The following MAK variants were observed in gnomAD, a reference collection of about 807,000 sequenced individuals.
MAK encodes the protein male germ cell associated kinase.
In MAK, 65 loss-of-function variants were observed where a neutral mutation model predicts 82.6. That is an observed-to-expected ratio of 0.79 (90% confidence interval 0.64 to 0.97). The LOEUF is 0.97. Among genes scored for constraint, MAK ranks in the 50% least tolerant of loss-of-function variants. The pLI, the probability that MAK is intolerant of heterozygous loss-of-function variation, is 0.00. For synonymous variants in MAK, 250 were observed against 274.2 expected, an observed-to-expected ratio of 0.91 and a Z score of 0.87; for missense variants, 703 against 780.2, an observed-to-expected ratio of 0.90 and a Z score of 1.18.
rs1773394453 is a variant in MAK, at chr6:10,775,559, CA to C, written c.1466-101del. On this transcript the variant is annotated intron_variant, in intron 11 of 14. Transcript: ENST00000354489. ...AAACAAAGACTAGAGACACCTTGGACAGGAGAATGGAAATAAATCTAGGTGA... is the reference window on the plus strand; with the variant it reads ...AAACAAAGACTAGAGACACCTTGGACGGAGAATGGAAATAAATCTAGGTGA... 5 of 1,296,884 alleles carry C rather than the reference CA, an allele frequency of 3.9e-6. No homozygotes were observed. The East Asian group carries it at 1.2e-4, about 31-fold the overall frequency. 80.3% of individuals were successfully genotyped at this position (1,296,884 alleles called of 1,614,324 possible). A position where few individuals can be genotyped will look rare whatever the true frequency, so the allele number is the denominator to read the frequency against.
At chr6:10,773,577 CA>C (rs1383971563) in intron 12 of MAK, among the ~76,000 whole-genome samples, 7 of 152,008 alleles carry the variant, frequency 4.6e-5, no homozygotes, top group African/African-American at 1.7e-4. Context: ...TGTACCTCTT[CA>C]CACACTTTTA....
intron 10 of MAK, among the ~76,000 whole-genome samples, chr6:10,787,252 C>A (rs1032714418): frequency 2.0e-5 from 3 of 151,974 alleles, no homozygotes; most frequent in African/African-American, 4.8e-5. Flanking sequence ...CACAAATCCA[C>A]CAATTCACCA....
In MAK at chr6:10,813,149, T is replaced by A. The variant is rs1378533045; in HGVS notation, c.358+495A>T. 2.3e-4 allele frequency among the ~76,000 whole-genome samples: 10 copies of A among 43,416 alleles called. 1 individual carries two copies. Among genetic ancestry groups the A allele is most frequent in the African/African-American group, 1.5e-3 (9 of 5,988 alleles). The allele number at this position is 43,416 out of a possible 152,430, so 28.5% of individuals were successfully genotyped here. The stretch of plus-strand genomic sequence containing the variant: ...ATATATATATAAATTTTTTTTTTTT[T>A]TTTTTTTTTTTTTTTTTGAGATGGA... On this transcript the variant is annotated intron_variant, in intron 5 of 14. Transcript: ENST00000354489.
At chr6:10,816,757 CTAAT>C (rs1474144044) in intron 4 of MAK, among the ~76,000 whole-genome samples, 8 of 151,990 alleles carry the variant, frequency 5.3e-5, no homozygotes, top group African/African-American at 4.8e-5. Flanking sequence ...TATTTTCACA[CTAAT>C]TATTTATTTT....
At chr6:10,770,764 C>G (rs1772935494) in intron 13 of MAK, among the ~76,000 whole-genome samples, 1 of 152,146 alleles carries the variant, frequency 6.6e-6, no homozygotes, top group African/African-American at 2.4e-5. Flanking sequence ...TCAACACCAT[C>G]ATCATCATCA....
At chr6:10,795,325 C>G (rs1204500732) in intron 9 of MAK, among the ~76,000 whole-genome samples, 1 of 151,852 alleles carries the variant, frequency 6.6e-6, no homozygotes, top group Non-Finnish European at 1.5e-5. Context: ...GCCTATAATC[C>G]CAGCCACTCA....
In MAK at chr6:10,791,745, C is replaced by T. The variant is rs773588644; in HGVS notation, c.1246G>A (p.Gly416Arg). The T allele has an allele frequency of 6.2e-6, 10 of 1,613,938 alleles. No homozygotes were observed. Among genetic ancestry groups the T allele is most frequent in the South Asian group, 2.2e-5 (2 of 91,068 alleles). ...SWEELEDYDF[G>R]ASHSKKPSMG... is the part of the protein sequence containing the mutation. ...CTTGGCTTCTTGGAATGGGAGGCTC[C>T]GAAATCATAGTCCTCCAACTCTTCC... The change falls in exon 10 of 15, where the codon GGA (glycine) becomes AGA (arginine). Residue 416 changes from glycine to arginine, a missense_variant. Coordinates refer to ENST00000354489, the MANE Select transcript of MAK (RefSeq NM_001242957.3).
intron 14 of MAK, among the ~76,000 whole-genome samples, chr6:10,769,521 AAAAGGCAGGGTGTG>A (rs1397106470): frequency 6.6e-6 from 1 of 152,240 alleles, no homozygotes; most frequent in Admixed American, 6.5e-5. Context: ...ATTGCAAAGC[AAAAGGCAGGGTGTG>A]AAAGTCCTGC....
At chr6:10,813,962 A>G (rs533091900) in intron 4 of MAK, among the ~76,000 whole-genome samples, 1 of 98,430 alleles carries the variant, frequency 1.0e-5, no homozygotes, top group Non-Finnish European at 2.0e-5. Flanking sequence ...CACATATTAA[A>G]TAGCTAATTT....
In MAK at chr6:10,780,812, T is replaced by C. The variant is rs1197927298; in HGVS notation, c.1465+3612A>G. On this transcript the variant is annotated intron_variant, in intron 11 of 14. Transcript: ENST00000354489. ...GTGAAAACTATCTCTCATGAACCTA[T>C]GTTTTGAAAACTTTCTTCCATCCTT... is the stretch of plus-strand genomic sequence containing the variant. Among the ~76,000 whole-genome samples, 2 of 152,346 alleles carry C rather than the reference T, an allele frequency of 1.3e-5. 1 individual carries two copies. Among genetic ancestry groups the C allele is most frequent in the Non-Finnish European group, 2.9e-5 (2 of 68,034 alleles).
In MAK at chr6:10,808,848, C is replaced by G. The variant is rs1034695599; in HGVS notation, c.453G>C (p.Arg151Ser). The G allele has an allele frequency of 6.2e-6, 10 of 1,613,772 alleles. No homozygotes were observed. Among genetic ancestry groups the G allele is most frequent in the Non-Finnish European group, 8.5e-6 (10 of 1,179,930 alleles). The part of the protein sequence containing the change: ...IADFGLAREL[R>S]SQPPYTDYVS... ...CATAATCAGTGTATGGTGGCTGTGACCTTAATTCTCTTGCAAGTCCAAAAT... is the reference window on the plus strand; with the variant it reads ...CATAATCAGTGTATGGTGGCTGTGAGCTTAATTCTCTTGCAAGTCCAAAAT... Residue 151 changes from arginine to serine, a missense_variant, in exon 6 of 15, where the codon AGG becomes AGC. Coordinates refer to ENST00000354489, the MANE Select transcript of MAK (RefSeq NM_001242957.3).
At chr6:10,828,517 C>A (rs1457918848) in intron 2 of MAK, among the ~76,000 whole-genome samples, 1 of 152,084 alleles carries the variant, frequency 6.6e-6, no homozygotes, top group Non-Finnish European at 1.5e-5. Context: ...AAGATAGGGT[C>A]TTTAAAAAGG....
Position 10,784,554 on chromosome 6 carries a change from G to T in MAK, c.1335C>A (p.Pro445=). Residue 445 remains proline (P), a synonymous_variant, in exon 11 of 15, where the codon CCC becomes CCA. Transcript: ENST00000354489. ...DSPFRLPEPV[P]SGSNHSTGEN... is the part of the protein sequence containing the mutation. The stretch of plus-strand genomic sequence containing the variant: ...CCCCTGTCGAGTGGTTGGAGCCTGA[G>T]GGTACTGGCTCTGGAAGCCTTGAAA... 2 of 1,614,062 alleles carry T rather than the reference G, an allele frequency of 1.2e-6. No homozygotes were observed. Among genetic ancestry groups the T allele is most frequent in the Non-Finnish European group, 1.7e-6 (2 of 1,180,002 alleles).
At chr6:10,766,745 A>G (rs1772473227) in intron 14 of MAK, among the ~76,000 whole-genome samples, 1 of 152,136 alleles carries the variant, frequency 6.6e-6, no homozygotes, top group Non-Finnish European at 1.5e-5. Flanking sequence ...GGGAGGGAAA[A>G]GGGAACGTGG....
intron 10 of MAK, among the ~76,000 whole-genome samples, chr6:10,787,080 C>T (rs35284986): frequency 2.8e-5 from 3 of 107,782 alleles, no homozygotes; most frequent in Non-Finnish European, 5.2e-5. Flanking sequence ...CACTCCGCTA[C>T]TTCACCAGTT....
intron 2 of MAK, among the ~76,000 whole-genome samples, chr6:10,824,747 C>T (rs1240621350): frequency 6.6e-6 from 1 of 152,192 alleles, no homozygotes; most frequent in African/African-American, 2.4e-5. Context: ...GTAACTCATC[C>T]TTCACAACTC....
intron 4 of MAK, 25 bp from the exon 5 acceptor site, chr6:10,813,748 A>C (rs751925717): frequency 3.1e-5 from 42 of 1,357,630 alleles, no homozygotes; most frequent in Non-Finnish European, 4.3e-5. Flanking sequence ...ACAGTCACAT[A>C]ATTCTGTTAA....
chr6:10,838,440 G>A (rs1779304987), intron 1 of MAK, 63 bp downstream of exon 1: 1 of 152,374 alleles, frequency 6.6e-6, no homozygotes, highest in South Asian at 2.1e-4. Flanking sequence ...CTCCGGCTGG[G>A]TCGGACAGAG....
At chr6:10,820,729 G>C (rs922239043) in intron 2 of MAK, among the ~76,000 whole-genome samples, 2 of 152,180 alleles carry the variant, frequency 1.3e-5, no homozygotes, top group Non-Finnish European at 2.9e-5. Context: ...TATTTATGAA[G>C]AAGCGTGATG....
Sources: gnomAD v4.1 joint callset for allele counts (sites outside exome capture counted in the v4.1 genomes callset) on GRCh38, gnomAD v4.1.1 for gene constraint, MANE v1.5 for transcripts, NCBI Gene and HGNC (gene_info 2026-07-23, HGNC 2026-07-21) for gene names.